Variants in CYP4X1 observed in about 807,000 individuals in gnomAD.
The protein encoded by CYP4X1 is cytochrome P450 family 4 subfamily X member 1, also known as cytochrome P450 4X1.
Under a neutral mutation model 57.9 loss-of-function variants are expected in CYP4X1, and 44 were observed. That is an observed-to-expected ratio of 0.76 (90% CI 0.60 to 0.98). CYP4X1 has a LOEUF of 0.98. CYP4X1 is among the 50% of genes least tolerant of loss of function. CYP4X1 has a pLI of 0.00. For synonymous variants in CYP4X1, 227 were observed against 228.6 expected, an observed-to-expected ratio of 0.99 and a Z score of 0.06; for missense variants, 532 against 623.9, an observed-to-expected ratio of 0.85 and a Z score of 1.57.
chr1:47,049,881 G>A, intron 11 of CYP4X1, 119 bp from the exon 12 acceptor site: 1 of 1,070,050 alleles, frequency 9.3e-7, no homozygotes, highest in Non-Finnish European at 1.3e-6. Flanking sequence ...AGTTTCAATG[G>A]CATTTGGTGG....
At chr1:47,051,205 G>A (rs1197781318), downstream of CYP4X1, among the ~76,000 whole-genome samples, 1 of 152,086 alleles carries the variant, frequency 6.6e-6, no homozygotes, top group East Asian at 1.9e-4. Flanking sequence ...CAGTTAGAAT[G>A]GCAATCATTA....
At chr1:47,011,279 A>C in the CYP4X1 span, among the ~76,000 whole-genome samples, 1 of 152,220 alleles carries the variant, frequency 6.6e-6, no homozygotes, top group Non-Finnish European at 1.5e-5. Flanking sequence ...CTGATCTTTG[A>C]CAAACCTGAC....
chr1:47,049,484 A>C lies in CYP4X1; in HGVS notation c.1335A>C (p.Leu445Phe), dbSNP rs1388600934. The change falls in exon 11 of 12, where the codon TTA becomes TTC. Residue 445 changes from leucine (L) to phenylalanine (F), a missense_variant. Physicochemically the swap from Leu to Phe is conservative, Grantham distance 22. Coordinates refer to ENST00000371901, the MANE Select transcript of CYP4X1 (RefSeq NM_178033.2). ...NSDQRHPYAY[L>F]PFSAGSRNCI... ...ATCAGAGACACCCCTATGCCTACTTACCATTCTCAGCTGGATCAAGGTGAG... is the reference window on the plus strand; with the variant it reads ...ATCAGAGACACCCCTATGCCTACTTCCCATTCTCAGCTGGATCAAGGTGAG... The C allele has an allele frequency of 6.2e-7, 1 of 1,613,952 alleles. No individual in the cohort carries two copies. Among genetic ancestry groups the C allele is most frequent in the East Asian group, 2.2e-5 (1 of 44,872 alleles).
chr1:47,005,582 C>G, the CYP4X1 span, among the ~76,000 whole-genome samples: 16 of 152,226 alleles, frequency 1.1e-4, no homozygotes, highest in South Asian at 3.3e-3. Context: ...TTTGTATGTA[C>G]ACTTATTGTT....
chr1:47,006,999 G>A, the CYP4X1 span, among the ~76,000 whole-genome samples: 1 of 152,214 alleles, frequency 6.6e-6, no homozygotes, highest in Non-Finnish European at 1.5e-5. Context: ...TCCACCACTG[G>A]GGCAGGGCAT....
upstream of CYP4X1, among the ~76,000 whole-genome samples, chr1:47,022,575 C>T (rs952527335): frequency 4.6e-5 from 7 of 151,826 alleles, no homozygotes; most frequent in African/African-American, 1.7e-4. Flanking sequence ...AGGCGTGAGC[C>T]ACCGCGCCCG....
the CYP4X1 span, chr1:46,961,657 C>T: frequency 2.3e-6 from 3 of 1,290,712 alleles, no homozygotes; most frequent in South Asian, 1.2e-5. Flanking sequence ...TATCAAGGTG[C>T]CTCCTCTGGG....
Position 47,039,459 on chromosome 1 carries a change from C to G in CYP4X1, c.1000C>G (p.Leu334Val), listed in dbSNP as rs779875784. 1.1e-5 allele frequency: 17 copies of G among 1,613,494 alleles called. No homozygotes were observed. The highest frequency in any genetic ancestry group is 4.4e-5 in the South Asian group (4 of 91,014). Residue 334 changes from leucine to valine, a missense_variant, in exon 8 of 12, where the codon CTG becomes GTG. Transcript: ENST00000371901. The stretch of plus-strand genomic sequence containing the variant: ...CTCCTGGATCCTTTACTGCCTGGCT[C>G]TGAACCCTGAGCATCAAGAGAGATG... ...SISWILYCLA[L>V]NPEHQERCRE...
At chr1:47,047,661 G>A (rs548097726) in intron 9 of CYP4X1, among the ~76,000 whole-genome samples, 110 of 152,276 alleles carry the variant, frequency 7.2e-4, no homozygotes, top group Admixed American at 3.0e-3. Flanking sequence ...GAGTACAGTG[G>A]CGTAATCTCG....
chr1:47,008,305 T>A, the CYP4X1 span, among the ~76,000 whole-genome samples: 1 of 152,174 alleles, frequency 6.6e-6, no homozygotes, highest in African/African-American at 2.4e-5. Context: ...AACCCAGAAT[T>A]TCATATCCAG....
At chr1:47,036,285 CT>C in intron 6 of CYP4X1, 114 bp downstream of exon 6, 1 of 1,296,200 alleles carries the variant, frequency 7.7e-7, no homozygotes, top group Non-Finnish European at 1.0e-6. Context: ...ATTAATGGAG[CT>C]TTTATATAGA....
chr1:46,975,226 G>A, the CYP4X1 span, among the ~76,000 whole-genome samples: 2 of 152,106 alleles, frequency 1.3e-5, no homozygotes, highest in Non-Finnish European at 2.9e-5. Context: ...TTGTTAGCTG[G>A]TTGTTATGTA....
the CYP4X1 span, chr1:47,002,905 A>C: frequency 6.6e-6 from 1 of 152,254 alleles, no homozygotes; most frequent in Admixed American, 6.5e-5. Flanking sequence ...ATTATAATGC[A>C]GTGGACATTT....
chr1:46,978,331 T>A, the CYP4X1 span, among the ~76,000 whole-genome samples: 1 of 152,080 alleles, frequency 6.6e-6, no homozygotes, highest in East Asian at 1.9e-4. Flanking sequence ...GCAATCCTAG[T>A]CTCTGAAAAA....
At chr1:46,962,827 G>C in the CYP4X1 span, among the ~76,000 whole-genome samples, 2 of 152,270 alleles carry the variant, frequency 1.3e-5, no homozygotes, top group Non-Finnish European at 2.9e-5. Flanking sequence ...CTGTCTCATT[G>C]ATCTGTCTAA....
the CYP4X1 span, among the ~76,000 whole-genome samples, chr1:47,003,541 G>A: frequency 6.6e-5 from 10 of 152,230 alleles, no homozygotes; most frequent in African/African-American, 9.6e-5. Context: ...GGCTGTACAA[G>A]CATGATGCCG....
chr1:47,038,865 T>A (rs1018449133), intron 7 of CYP4X1, 99 bp downstream of exon 7: 6 of 847,062 alleles, frequency 7.1e-6, no homozygotes, highest in Non-Finnish European at 8.7e-6. Context: ...ATAAAACCGA[T>A]TGACTAAATT....
intron 1 of CYP4X1, among the ~76,000 whole-genome samples, chr1:47,026,144 TAGAA>T (rs1022178695): frequency 1.3e-5 from 2 of 151,978 alleles, no homozygotes; most frequent in African/African-American, 4.8e-5. Context: ...ACAAAAAAAA[TAGAA>T]AGAATGAATA....
At chr1:47,034,846 G>A (rs182888304) in intron 4 of CYP4X1, among the ~76,000 whole-genome samples, 128 of 151,904 alleles carry the variant, frequency 8.4e-4, no homozygotes, top group African/African-American at 2.8e-3. Flanking sequence ...ATTTCTCCGG[G>A]ATTTTTCTCA....
Sources: allele counts gnomAD v4.1 joint callset (sites outside exome capture counted in the v4.1 genomes callset), GRCh38; gene constraint gnomAD v4.1.1; transcripts MANE v1.5; gene names NCBI Gene and HGNC (gene_info 2026-07-23, HGNC 2026-07-21).